Variants in DPP6 observed in about 807,000 individuals in gnomAD.
DPP6 encodes the protein A-type potassium channel modulatory protein DPP6.
Under a neutral mutation model 122.6 loss-of-function variants are expected in DPP6, and 69 were observed. The observed-to-expected ratio is 0.56, with a 90% CI of 0.46 to 0.69. The LOEUF (loss-of-function observed/expected upper bound fraction) is 0.69, where lower values mean the gene tolerates loss of function less well. DPP6 is among the 30% of genes least tolerant of loss of function. The probability of loss-of-function intolerance (pLI) is 0.00; values close to 1 mark genes in which losing one functional copy is unlikely to be tolerated. For missense variants in DPP6, 928 were observed against 1,116.9 expected (o/e 0.83, Z 2.41); for synonymous variants, 418 against 433.1 (o/e 0.97, Z 0.43).
At chr7:153,895,983 C>T (rs1799398190) in intron 1 of DPP6, among the ~76,000 whole-genome samples, 1 of 152,200 alleles carries the variant, frequency 6.6e-6, no homozygotes, top group Non-Finnish European at 1.5e-5. Context: ...TGCTGGCTAG[C>T]CAGGCCGGCC....
chr7:154,030,678 G>C (rs1167380706), intron 1 of DPP6, among the ~76,000 whole-genome samples: 11 of 152,056 alleles, frequency 7.2e-5, no homozygotes, highest in Non-Finnish European at 1.6e-4. Context: ...TTCCCCATTG[G>C]ATCTGACGCT....
intron 7 of DPP6, among the ~76,000 whole-genome samples, chr7:154,670,194 G>A (rs904421566): frequency 2.0e-5 from 3 of 152,170 alleles, no homozygotes; most frequent in African/African-American, 7.2e-5. Context: ...TAGATTTGCT[G>A]GCCCTGATGG....
chr7:154,502,761 A>T (rs987567244), intron 3 of DPP6, among the ~76,000 whole-genome samples: 4 of 152,218 alleles, frequency 2.6e-5, no homozygotes, highest in African/African-American at 9.6e-5. Context: ...TCAGGTAAGG[A>T]GACTGAACTC....
At chr7:154,103,594 G>A (rs1805918041) in intron 1 of DPP6, among the ~76,000 whole-genome samples, 2 of 152,262 alleles carry the variant, frequency 1.3e-5, no homozygotes, top group South Asian at 4.1e-4. Context: ...TTCTGGGTGT[G>A]TCGGTGAGGG....
At chr7:154,051,499 G>T (rs547192553), upstream of DPP6, among the ~76,000 whole-genome samples, 2 of 149,312 alleles carry the variant, frequency 1.3e-5, no homozygotes, top group Admixed American at 1.3e-4. Context: ...AGCGGAGCCC[G>T]CTGGTGCGGG....
intron 1 of DPP6, among the ~76,000 whole-genome samples, chr7:154,146,612 C>T (rs1272746915): frequency 6.6e-6 from 1 of 152,254 alleles, no homozygotes; most frequent in African/African-American, 2.4e-5. Flanking sequence ...TTGTCTGGCT[C>T]AGACTCATGT....
At chr7:154,783,806 G>C (rs1012744009) in intron 10 of DPP6, among the ~76,000 whole-genome samples, 1 of 152,050 alleles carries the variant, frequency 6.6e-6, no homozygotes, top group Non-Finnish European at 1.5e-5. Context: ...GGAGCTCCCC[G>C]CCTGGCCAAC....
chr7:153,876,660 C>T, the DPP6 span, among the ~76,000 whole-genome samples: 1 of 152,028 alleles, frequency 6.6e-6, no homozygotes, highest in African/African-American at 2.4e-5. Flanking sequence ...CACACAGTCA[C>T]ACATTGCTTA....
chr7:154,014,712 T>G (rs1798319968), intron 1 of DPP6, among the ~76,000 whole-genome samples: 1 of 152,114 alleles, frequency 6.6e-6, no homozygotes, highest in South Asian at 2.1e-4. Context: ...CTAGCTACTC[T>G]GCTTGTATTT....
At chr7:154,879,024 A>G (rs1446122009) in intron 20 of DPP6, among the ~76,000 whole-genome samples, 1 of 152,252 alleles carries the variant, frequency 6.6e-6, no homozygotes, top group East Asian at 1.9e-4. Context: ...CCTGTTTGCC[A>G]GACGCCAGGA....
intron 7 of DPP6, among the ~76,000 whole-genome samples, chr7:154,707,071 G>A (rs1840871234): frequency 6.6e-6 from 1 of 152,196 alleles, no homozygotes; most frequent in Non-Finnish European, 1.5e-5. Context: ...TGCTGGAGTG[G>A]AAAATGATGT....
At chr7:154,790,467 C>T (rs1797603127) in intron 10 of DPP6, among the ~76,000 whole-genome samples, 10 of 152,254 alleles carry the variant, frequency 6.6e-5, no homozygotes, top group Admixed American at 5.9e-4. Flanking sequence ...AAAAAGAAAT[C>T]TTATTATATA....
At chr7:154,356,749 G>A (rs1811301627) in intron 1 of DPP6, among the ~76,000 whole-genome samples, 1 of 152,068 alleles carries the variant, frequency 6.6e-6, no homozygotes. Flanking sequence ...TCCTGCAAAT[G>A]TTTCTGTACT....
At chr7:154,627,000 CTTTTTTTTTTTTTT>C (rs552919287) in intron 5 of DPP6, among the ~76,000 whole-genome samples, 6 of 52,094 alleles carry the variant, frequency 1.2e-4, no homozygotes, top group African/African-American at 1.5e-4. Flanking sequence ...GAAATTTTTT[CTTTTTTTTTTTTTT>C]TTTTTTTTTT....
chr7:154,283,791 C>T (rs1369705346), intron 1 of DPP6, among the ~76,000 whole-genome samples: 2 of 152,142 alleles, frequency 1.3e-5, no homozygotes, highest in Non-Finnish European at 2.9e-5. Context: ...AGATATTAGC[C>T]TGCCATCCAT....
At chr7:154,631,775 T>C (rs1289841323) in intron 5 of DPP6, among the ~76,000 whole-genome samples, 2 of 152,144 alleles carry the variant, frequency 1.3e-5, no homozygotes, top group Non-Finnish European at 2.9e-5. Flanking sequence ...AGTTATATTC[T>C]ACAGAATTAG....
In DPP6 at chr7:154,681,624, A is replaced by G. The variant is rs184976937; in HGVS notation, c.762+12183A>G. On this transcript the variant is annotated intron_variant, in intron 7 of 25. Coordinates refer to ENST00000377770, the MANE Select transcript of DPP6 (RefSeq NM_130797.4). ...GGGGAGGGCTGTACTCGGTGCTGCC[A>G]AGAATTCTCCTTCGTGCACCTAATC... Among the ~76,000 whole-genome samples, 504 of 152,302 alleles carry G rather than the reference A, an allele frequency of 3.3e-3. 2 individuals carry two copies. Among genetic ancestry groups the G allele is most frequent in the African/African-American group, 0.012 (488 of 41,554 alleles).
At chr7:154,870,976 A>C (rs1804332661) in intron 18 of DPP6, among the ~76,000 whole-genome samples, 1 of 151,910 alleles carries the variant, frequency 6.6e-6, no homozygotes, top group Non-Finnish European at 1.5e-5. Context: ...AAAAAAAAAA[A>C]AAAAAAAAAT....
chr7:153,945,330 A>G (rs1043080513), intron 1 of DPP6, among the ~76,000 whole-genome samples: 4 of 152,208 alleles, frequency 2.6e-5, no homozygotes, highest in Admixed American at 1.3e-4. Flanking sequence ...GGTACAGAGC[A>G]TGCTACCAAT....
Sources: gnomAD v4.1 joint callset for allele counts (sites outside exome capture counted in the v4.1 genomes callset) on GRCh38, gnomAD v4.1.1 for gene constraint, MANE v1.5 for transcripts, NCBI Gene and HGNC (gene_info 2026-07-23, HGNC 2026-07-21) for gene names.